Variants in ELMO1 observed in about 807,000 individuals in gnomAD.
ELMO1 encodes the protein engulfment and cell motility protein 1.
A neutral mutation model predicts 98.9 loss-of-function variants in ELMO1; 26 were observed. The ratio of observed to expected loss-of-function variants is 0.26; its 90% CI spans 0.19 to 0.36. The LOEUF (loss-of-function observed/expected upper bound fraction) is 0.36, where lower values mean the gene tolerates loss of function less well. Among genes scored for constraint, ELMO1 ranks in the 10% least tolerant of loss-of-function variants. The probability of loss-of-function intolerance (pLI) is 1.00; values close to 1 mark genes in which losing one functional copy is unlikely to be tolerated. For synonymous variants in ELMO1, 346 were observed against 346.0 expected, an observed-to-expected ratio of 1.00 and a Z score of 0.00; for missense variants, 627 against 935.2, an observed-to-expected ratio of 0.67 and a Z score of 4.30.
chr7:37,119,066 G>A (rs1293350155), intron 14 of ELMO1, among the ~76,000 whole-genome samples: 2 of 152,172 alleles, frequency 1.3e-5, no homozygotes, highest in South Asian at 2.1e-4. Context: ...TCTGTAAAAT[G>A]CAAACAGTAA....
chr7:37,102,484 T>C (rs1341477444), intron 14 of ELMO1, among the ~76,000 whole-genome samples: 2 of 152,142 alleles, frequency 1.3e-5, no homozygotes, highest in African/African-American at 4.8e-5. Flanking sequence ...AGGCTGCTAG[T>C]TCACCAGATC....
chr7:37,170,051 G>C (rs1184116988), intron 13 of ELMO1, among the ~76,000 whole-genome samples: 3 of 152,020 alleles, frequency 2.0e-5, no homozygotes, highest in Admixed American at 1.3e-4. Flanking sequence ...ATAAGCACAC[G>C]CCACCATGCC....
At chr7:36,921,322 G>A (rs1785139247) in intron 16 of ELMO1, among the ~76,000 whole-genome samples, 1 of 152,186 alleles carries the variant, frequency 6.6e-6, no homozygotes, top group Non-Finnish European at 1.5e-5. Flanking sequence ...TTTGGAACCT[G>A]GCTCTGCCAC....
At chr7:37,365,855 T>C (rs1382097900) in intron 1 of ELMO1, among the ~76,000 whole-genome samples, 1 of 152,246 alleles carries the variant, frequency 6.6e-6, no homozygotes, top group African/African-American at 2.4e-5. Context: ...TAGTATCAAA[T>C]GTGTGCAGTG....
In ELMO1 at chr7:37,315,936, T is replaced by G. The variant is rs769121748; in HGVS notation, c.103A>C (p.Lys35Gln). The G allele has an allele frequency of 2.5e-6, 4 of 1,604,022 alleles. No individual in the cohort carries two copies. Among genetic ancestry groups the G allele is most frequent in the Non-Finnish European group, 2.5e-6 (3 of 1,177,568 alleles). The change falls in exon 3 of 22, where the codon AAG (lysine) becomes CAG (glutamine). Residue 35 changes from lysine to glutamine, a missense_variant. Transcript: ENST00000310758. ...AACACTTACCCATCACAGACTTCCT[T>G]TATTATTGCAGACAGTGGTTTTTTC... Reference protein sequence around the residue: ...DQKKPLSAIIKEVCDGWSLAN... With the variant: ...DQKKPLSAIIQEVCDGWSLAN...
At chr7:36,907,432 T>A (rs763864682) in intron 16 of ELMO1, among the ~76,000 whole-genome samples, 5 of 152,160 alleles carry the variant, frequency 3.3e-5, no homozygotes, top group Non-Finnish European at 7.4e-5. Flanking sequence ...TTATTATGTT[T>A]AAAGGGGAAC....
At chr7:37,140,935 A>G (rs189486077) in intron 13 of ELMO1, among the ~76,000 whole-genome samples, 121 of 152,342 alleles carry the variant, frequency 7.9e-4, no homozygotes, top group African/African-American at 2.8e-3. Flanking sequence ...CTGTTGGTGG[A>G]AGGTAAACTA....
At chr7:37,007,674 A>G (rs190914574) in intron 16 of ELMO1, among the ~76,000 whole-genome samples, 13 of 152,350 alleles carry the variant, frequency 8.5e-5, no homozygotes, top group African/African-American at 2.6e-4. Context: ...TTTGAGAAGC[A>G]AACACATTTC....
chr7:37,267,394 C>T (rs554538207), intron 5 of ELMO1, among the ~76,000 whole-genome samples: 22 of 152,330 alleles, frequency 1.4e-4, no homozygotes, highest in African/African-American at 4.8e-4. Context: ...TAACAGGTTC[C>T]TAGTTTTTGA....
intron 15 of ELMO1, among the ~76,000 whole-genome samples, chr7:37,064,718 C>G (rs1796862272): frequency 6.6e-6 from 1 of 152,168 alleles, no homozygotes; most frequent in Non-Finnish European, 1.5e-5. Flanking sequence ...AAAAGCCAAT[C>G]TCCCCGTAAG....
chr7:37,383,858 C>T (rs1351168903), intron 1 of ELMO1, among the ~76,000 whole-genome samples: 1 of 152,094 alleles, frequency 6.6e-6, no homozygotes, highest in Non-Finnish European at 1.5e-5. Flanking sequence ...CTCTGTTGCC[C>T]AGGCTGGAGT....
At chr7:37,261,111 G>A (rs1012660784) in intron 5 of ELMO1, among the ~76,000 whole-genome samples, 2 of 143,058 alleles carry the variant, frequency 1.4e-5, no homozygotes, top group Non-Finnish European at 3.0e-5. Context: ...TGATGCAGTT[G>A]ATACCAATAT....
intron 2 of ELMO1, among the ~76,000 whole-genome samples, chr7:37,335,217 G>A (rs574796773): frequency 1.3e-5 from 2 of 152,300 alleles, no homozygotes; most frequent in South Asian, 2.1e-4. Context: ...ATTATAATGC[G>A]ATCAGAAAAG....
intron 1 of ELMO1, chr7:37,375,399 G>T (rs970483144): frequency 3.4e-6 from 2 of 595,756 alleles, no homozygotes; most frequent in East Asian, 5.6e-5. Flanking sequence ...CAGAATTCAG[G>T]CCCCTCCCAT....
chr7:37,428,766 C>A (rs765047999), intron 1 of ELMO1, among the ~76,000 whole-genome samples: 7 of 152,258 alleles, frequency 4.6e-5, no homozygotes, highest in Non-Finnish European at 8.8e-5. Flanking sequence ...AGAAGAAAAA[C>A]ATACGATGTA....
chr7:36,982,930 C>T (rs1791194228), intron 16 of ELMO1, among the ~76,000 whole-genome samples: 1 of 152,218 alleles, frequency 6.6e-6, no homozygotes, highest in South Asian at 2.1e-4. Flanking sequence ...CTCTGACGAA[C>T]ACAGTTTCTA....
intron 13 of ELMO1, chr7:37,204,377 T>A: frequency 2.7e-6 from 1 of 370,060 alleles, no homozygotes; most frequent in East Asian, 7.4e-5. Flanking sequence ...TCGCGGTGAG[T>A]GTTACAGTTC....
intron 16 of ELMO1, among the ~76,000 whole-genome samples, chr7:36,929,382 C>G (rs1283825493): frequency 6.6e-6 from 1 of 152,114 alleles, no homozygotes; most frequent in Admixed American, 6.5e-5. Flanking sequence ...GGAGTGCACA[C>G]CAAAGCATTG....
intron 16 of ELMO1, among the ~76,000 whole-genome samples, chr7:36,991,714 CACTTTATCTTTTGATCCCA>C (rs1791889214): frequency 6.6e-6 from 1 of 152,204 alleles, no homozygotes; most frequent in South Asian, 2.1e-4. Context: ...GTCACACTGT[CACTTTATCTTTTGATCCCA>C]GGATGCTGAG....
Sources: allele counts gnomAD v4.1 joint callset (sites outside exome capture counted in the v4.1 genomes callset), GRCh38; gene constraint gnomAD v4.1.1; transcripts MANE v1.5; gene names NCBI Gene and HGNC (gene_info 2026-07-23, HGNC 2026-07-21).